ATRNL1: variants seen among roughly 807,000 people sequenced by gnomAD.
ATRNL1 encodes attractin-like protein 1.
A neutral mutation model predicts 182.7 loss-of-function variants in ATRNL1; 95 were observed. The ratio of observed to expected loss-of-function variants is 0.52; its 90% CI spans 0.44 to 0.62. ATRNL1 has a LOEUF of 0.62. Among genes scored for constraint, ATRNL1 ranks in the 20% least tolerant of loss-of-function variants. The probability of loss-of-function intolerance (pLI) is 0.00; values close to 1 mark genes in which losing one functional copy is unlikely to be tolerated. For synonymous variants in ATRNL1, 576 were observed against 568.3 expected (o/e 1.01, Z -0.19); for missense variants, 1,471 against 1,679.5 (o/e 0.88, Z 2.17).
intron 26 of ATRNL1, among the ~76,000 whole-genome samples, chr10:115,601,915 A>C (rs1210410639): frequency 6.8e-6 from 1 of 148,144 alleles, no homozygotes; most frequent in Non-Finnish European, 1.5e-5. Context: ...CTATATTTTC[A>C]TTGTTCACTT....
At chr10:115,154,639 G>A (rs782154696) in intron 5 of ATRNL1, among the ~76,000 whole-genome samples, 3 of 152,066 alleles carry the variant, frequency 2.0e-5, no homozygotes, top group East Asian at 1.9e-4. Flanking sequence ...AACATTTTAT[G>A]TGCTGATGAG....
intron 24 of ATRNL1, among the ~76,000 whole-genome samples, chr10:115,500,490 T>C (rs1308437082): frequency 4.6e-5 from 7 of 152,132 alleles, no homozygotes; most frequent in African/African-American, 1.2e-4. Context: ...CAAATCATGG[T>C]AGGACTGATT....
At chr10:115,235,612 A>G (rs974648314) in intron 9 of ATRNL1, among the ~76,000 whole-genome samples, 1 of 152,104 alleles carries the variant, frequency 6.6e-6, no homozygotes, top group Non-Finnish European at 1.5e-5. Flanking sequence ...ATCTCAATAT[A>G]CCATATTTTA....
At chr10:115,257,414 G>T (rs888492763) in intron 10 of ATRNL1, among the ~76,000 whole-genome samples, 3 of 151,994 alleles carry the variant, frequency 2.0e-5, no homozygotes, top group Non-Finnish European at 2.9e-5. Context: ...ATCTTTGTTG[G>T]TTTAAAGTCT....
intron 13 of ATRNL1, among the ~76,000 whole-genome samples, chr10:115,276,762 C>G (rs951655963): frequency 1.3e-5 from 2 of 152,110 alleles, no homozygotes; most frequent in Non-Finnish European, 2.9e-5. Flanking sequence ...ATAAGCGTGT[C>G]TGGTTCATTA....
chr10:115,399,716 G>T (rs1256331267), intron 20 of ATRNL1, among the ~76,000 whole-genome samples: 1 of 151,750 alleles, frequency 6.6e-6, no homozygotes, highest in Non-Finnish European at 1.5e-5. Context: ...TGCTAGCTCT[G>T]GGATTTGTTT....
At chr10:115,790,730 A>G (rs996249235) in intron 27 of ATRNL1, among the ~76,000 whole-genome samples, 1 of 151,508 alleles carries the variant, frequency 6.6e-6, no homozygotes, top group African/African-American at 2.4e-5. Context: ...GTAATATTTC[A>G]TCTGCTTTTC....
intron 17 of ATRNL1, among the ~76,000 whole-genome samples, chr10:115,308,904 T>C (rs1173137334): frequency 6.6e-6 from 1 of 152,188 alleles, no homozygotes; most frequent in Non-Finnish European, 1.5e-5. Context: ...GATTTAAATC[T>C]TTAATCCATC....
At chr10:115,734,615 C>T (rs1417238165) in intron 27 of ATRNL1, among the ~76,000 whole-genome samples, 7 of 151,908 alleles carry the variant, frequency 4.6e-5, no homozygotes, top group African/African-American at 1.2e-4. Context: ...TGGAACATTC[C>T]TTGCCTTTTT....
At position 115,944,947 on chromosome 10, in the gene ATRNL1, G is replaced by GT. The variant is rs1838559405; in HGVS notation, c.*172dup. 6 of 717,408 alleles carry GT rather than the reference G, an allele frequency of 8.4e-6. No individual in the cohort carries two copies. In the South Asian group the frequency reaches 2.9e-4, roughly 35 times the overall value. 44.4% of individuals were successfully genotyped at this position (717,408 alleles called of 1,614,324 possible). On this transcript the variant is annotated 3_prime_UTR_variant, in exon 29 of 29. Transcript: ENST00000355044. ...CCAGGTGGCCAAAGAATGTTCATGAGTTTTATAAAAGTATTGATGGTCACA... is the reference window on the plus strand; with the variant it reads ...CCAGGTGGCCAAAGAATGTTCATGAGTTTTTATAAAAGTATTGATGGTCACA...
chr10:115,467,244 G>C lies in ATRNL1; in HGVS notation c.3488G>C (p.Gly1163Ala). Residue 1163 changes from glycine to alanine, a missense_variant, in exon 23 of 29, where the codon GGT (glycine) becomes GCT (alanine). By Grantham distance (60) the Gly-to-Ala change is moderately conservative (BLOSUM62 0). Transcript: ENST00000355044. Reference sequence around the variant, plus strand: ...AATCTCAACATTACGTGGTCTGTCGGTTCAACAGGTAAAAAAATGTTGATG... The same window carrying C: ...AATCTCAACATTACGTGGTCTGTCGCTTCAACAGGTAAAAAAATGTTGATG... ...NFNLNITWSV[G>A]STAGTISGEE... 1 of 1,598,072 alleles carries C rather than the reference G, an allele frequency of 6.3e-7. No homozygotes were observed.
intron 24 of ATRNL1, among the ~76,000 whole-genome samples, chr10:115,482,469 A>G (rs1005068730): frequency 6.6e-6 from 1 of 151,028 alleles, no homozygotes; most frequent in African/African-American, 2.4e-5. Context: ...GAGAATAAAA[A>G]TGCTTCTTTT....
intron 19 of ATRNL1, among the ~76,000 whole-genome samples, chr10:115,376,432 A>G (rs1857675902): frequency 6.6e-6 from 1 of 152,012 alleles, no homozygotes; most frequent in South Asian, 2.1e-4. Context: ...AGGACTACAG[A>G]TGCATGCTAC....
chr10:115,502,633 T>A (rs1364447830), intron 24 of ATRNL1, among the ~76,000 whole-genome samples: 2 of 151,540 alleles, frequency 1.3e-5, no homozygotes, highest in African/African-American at 4.9e-5. Flanking sequence ...TATTAAGGAG[T>A]CGGTTAATGC....
intron 9 of ATRNL1, among the ~76,000 whole-genome samples, chr10:115,235,384 A>C (rs78199929): frequency 0.04 from 6,050 of 152,126 alleles, 408 homozygotes; most frequent in African/African-American, 0.14. Context: ...ATACCTGTCT[A>C]TTCTCTCTAT....
Position 115,585,572 on chromosome 10 carries a change from C to T in ATRNL1, c.3795+36036C>T, listed in dbSNP as rs1202428031. On this transcript the variant is annotated intron_variant, in intron 26 of 28. Transcript: ENST00000355044. ...TTTTAACAGAGACTAGGATTGCAAC[C>T]CCTGTCTTTTTTTGTTTTCCATTTG... is the stretch of plus-strand genomic sequence containing the variant. 4.4e-5 allele frequency among the ~76,000 whole-genome samples: 3 copies of T among 67,706 alleles called. 1 individual carries two copies. Among genetic ancestry groups the T allele is most frequent in the African/African-American group, 1.9e-4 (3 of 15,846 alleles). 44.4% of individuals were successfully genotyped at this position (67,706 alleles called of 152,430 possible).
At chr10:115,545,254 A>G (rs980022915) in intron 25 of ATRNL1, among the ~76,000 whole-genome samples, 18 of 151,176 alleles carry the variant, frequency 1.2e-4, no homozygotes, top group East Asian at 1.9e-4. Flanking sequence ...AAAAAAAAAA[A>G]AAAGAAAAAT....
chr10:115,913,323 C>G (rs1555116386), intron 28 of ATRNL1, among the ~76,000 whole-genome samples: 1 of 152,170 alleles, frequency 6.6e-6, no homozygotes, highest in African/African-American at 2.4e-5. Flanking sequence ...CACCAGCCCC[C>G]AAAGGTGGCT....
chr10:115,149,893 T>C (rs1177486664), intron 5 of ATRNL1, among the ~76,000 whole-genome samples: 2 of 150,820 alleles, frequency 1.3e-5, no homozygotes, highest in African/African-American at 4.8e-5. Context: ...TTTTTTTTTT[T>C]GGACTAGCTT....
Sources: allele counts gnomAD v4.1 joint callset (sites outside exome capture counted in the v4.1 genomes callset), GRCh38; gene constraint gnomAD v4.1.1; transcripts MANE v1.5; gene names NCBI Gene and HGNC (gene_info 2026-07-23, HGNC 2026-07-21).